Variants in GALNT17 observed in about 807,000 individuals in gnomAD.
GALNT17 encodes polypeptide N-acetylgalactosaminyltransferase 17.
In GALNT17, 29 loss-of-function variants were observed where a neutral mutation model predicts 63.7. The ratio of observed to expected loss-of-function variants is 0.46; its 90% CI spans 0.34 to 0.62. GALNT17 has a LOEUF of 0.62. GALNT17 is among the 20% of genes least tolerant of loss of function. The probability of loss-of-function intolerance (pLI) is 0.01; values close to 1 mark genes in which losing one functional copy is unlikely to be tolerated. For synonymous variants in GALNT17, 305 were observed against 318.3 expected (o/e 0.96, Z 0.45); for missense variants, 603 against 799.6 (o/e 0.75, Z 2.97).
intron 3 of GALNT17, among the ~76,000 whole-genome samples, chr7:71,408,991 C>T (rs1260814477): frequency 1.4e-5 from 2 of 147,834 alleles, no homozygotes; most frequent in Admixed American, 7.0e-5. Flanking sequence ...TATATATACA[C>T]ACATACATAT....
intron 9 of GALNT17, among the ~76,000 whole-genome samples, chr7:71,706,630 C>G (rs1026984213): frequency 1.3e-5 from 2 of 152,120 alleles, no homozygotes; most frequent in African/African-American, 4.8e-5. Flanking sequence ...GATTTTCTTA[C>G]CATTTTGCTT....
chr7:71,185,093 T>C (rs77422217), intron 1 of GALNT17, among the ~76,000 whole-genome samples: 5,392 of 134,354 alleles, frequency 0.04, 532 homozygotes, highest in African/African-American at 0.16. Context: ...CCTTCCTTCT[T>C]CTCCCTTCTT....
At chr7:71,541,483 G>C (rs1347877458) in intron 5 of GALNT17, among the ~76,000 whole-genome samples, 1 of 152,078 alleles carries the variant, frequency 6.6e-6, no homozygotes, top group African/African-American at 2.4e-5. Flanking sequence ...AACCCAGGAG[G>C]CGGAGGTTGC....
At chr7:71,700,638 C>A (rs1791617967) in intron 9 of GALNT17, among the ~76,000 whole-genome samples, 1 of 152,168 alleles carries the variant, frequency 6.6e-6, no homozygotes, top group African/African-American at 2.4e-5. Context: ...GGTCTCCAGG[C>A]CTTTAAACAG....
intron 1 of GALNT17, among the ~76,000 whole-genome samples, chr7:71,314,605 T>G (rs1791469736): frequency 6.6e-6 from 1 of 152,198 alleles, no homozygotes; most frequent in Non-Finnish European, 1.5e-5. Context: ...TGTTTTTTTC[T>G]TTTCCATTGT....
intron 3 of GALNT17, among the ~76,000 whole-genome samples, chr7:71,407,016 T>G (rs1242286370): frequency 6.6e-6 from 1 of 152,234 alleles, no homozygotes; most frequent in Non-Finnish European, 1.5e-5. Context: ...AAACTCTGCG[T>G]TGAAGACCAT....
At chr7:71,643,545 A>G (rs1394158135) in intron 6 of GALNT17, among the ~76,000 whole-genome samples, 2 of 152,226 alleles carry the variant, frequency 1.3e-5, no homozygotes, top group African/African-American at 4.8e-5. Context: ...AGATAATACA[A>G]TGACATTCCT....
chr7:71,136,656 T>G (rs1399683011), intron 1 of GALNT17, among the ~76,000 whole-genome samples: 6 of 152,104 alleles, frequency 3.9e-5, no homozygotes, highest in Non-Finnish European at 8.8e-5. Context: ...GGCTAATTTT[T>G]GTGTTTTTAG....
At chr7:71,315,199 G>A (rs1791479255) in intron 1 of GALNT17, among the ~76,000 whole-genome samples, 1 of 152,092 alleles carries the variant, frequency 6.6e-6, no homozygotes, top group African/African-American at 2.4e-5. Context: ...GCATCTATCG[G>A]TACTTCCTTT....
At chr7:71,529,758 A>G (rs1788683838) in intron 5 of GALNT17, among the ~76,000 whole-genome samples, 1 of 152,184 alleles carries the variant, frequency 6.6e-6, no homozygotes, top group Non-Finnish European at 1.5e-5. Context: ...ACTACTCTGT[A>G]AGAGAAGGTT....
intron 1 of GALNT17, among the ~76,000 whole-genome samples, chr7:71,281,324 T>C (rs1019020781): frequency 2.0e-5 from 3 of 152,194 alleles, no homozygotes; most frequent in African/African-American, 7.2e-5. Flanking sequence ...CTGGCTAACA[T>C]AGTGAGACTG....
At chr7:71,544,642 G>A (rs1788952007) in intron 5 of GALNT17, among the ~76,000 whole-genome samples, 1 of 152,084 alleles carries the variant, frequency 6.6e-6, no homozygotes. Flanking sequence ...TCTTGCCTGG[G>A]GGGAGTAGTT....
chr7:71,233,032 C>T (rs1443606364), intron 1 of GALNT17, among the ~76,000 whole-genome samples: 2 of 152,270 alleles, frequency 1.3e-5, no homozygotes, highest in East Asian at 1.9e-4. Context: ...AGGTTCTACT[C>T]CCTGCATTAC....
chr7:71,204,994 T>C (rs1789244069), intron 1 of GALNT17, among the ~76,000 whole-genome samples: 1 of 152,024 alleles, frequency 6.6e-6, no homozygotes, highest in Non-Finnish European at 1.5e-5. Flanking sequence ...AATCCACCTG[T>C]CTTGGCCACC....
intron 9 of GALNT17, among the ~76,000 whole-genome samples, chr7:71,696,211 C>T (rs926267206): frequency 2.0e-5 from 3 of 152,140 alleles, no homozygotes; most frequent in Non-Finnish European, 4.4e-5. Context: ...TTCCTGGGCT[C>T]AATTGATCCT....
At chr7:71,638,778 G>A (rs61563915) in intron 6 of GALNT17, among the ~76,000 whole-genome samples, 2,382 of 152,258 alleles carry the variant, frequency 0.016, 66 homozygotes, top group African/African-American at 0.054. Context: ...GATCCATGAC[G>A]TTAGGTAGGT....
intron 5 of GALNT17, among the ~76,000 whole-genome samples, chr7:71,552,548 C>G (rs1420352339): frequency 1.3e-5 from 2 of 151,172 alleles, no homozygotes; most frequent in Non-Finnish European, 2.9e-5. Context: ...TCAAGTAATT[C>G]TCCTGTCTCA....
chr7:71,328,969 C>G (rs1563006739), intron 1 of GALNT17, among the ~76,000 whole-genome samples: 2 of 152,100 alleles, frequency 1.3e-5, no homozygotes, highest in Non-Finnish European at 2.9e-5. Flanking sequence ...AAAGGCTGCC[C>G]AGGGGGTTGT....
Position 71,712,256 on chromosome 7 carries a change from A to T in GALNT17, c.*110A>T, listed in dbSNP as rs1742520824. The T allele has an allele frequency of 2.7e-6, 4 of 1,472,288 alleles. No individual in the cohort carries two copies. Among genetic ancestry groups the T allele is most frequent in the Admixed American group, 4.6e-5 (2 of 43,046 alleles). 91.2% of individuals were successfully genotyped at this position (1,472,288 alleles called of 1,614,324 possible). On this transcript the variant is annotated 3_prime_UTR_variant, in exon 11 of 11. Transcript: ENST00000333538. ...ACAGCAAGGGGCCGGCAGGTGCTCG[A>T]TGGGCCCCCCAGGGCTTCTCCAGGG... is the stretch of plus-strand genomic sequence containing the variant.
Sources: allele counts gnomAD v4.1 joint callset (sites outside exome capture counted in the v4.1 genomes callset), GRCh38; gene constraint gnomAD v4.1.1; transcripts MANE v1.5; gene names NCBI Gene and HGNC (gene_info 2026-07-23, HGNC 2026-07-21).